The following NBEA variants were observed in gnomAD, a reference collection of about 807,000 sequenced individuals.
NBEA encodes the protein neurobeachin.
A neutral mutation model predicts 343.4 loss-of-function variants in NBEA; 44 were observed. The observed-to-expected ratio is 0.13, with a 90% CI of 0.10 to 0.16. The LOEUF (loss-of-function observed/expected upper bound fraction) is 0.16. NBEA is among the 10% of genes least tolerant of loss of function. The pLI is 1.00. For synonymous variants in NBEA, 1,175 were observed against 1,238.7 expected (o/e 0.95, Z 1.08); for missense variants, 2,555 against 3,631.3 (o/e 0.70, Z 7.62).
chr13:35,223,213 G>A (rs2152763132), intron 33 of NBEA, among the ~76,000 whole-genome samples: 2 of 152,144 alleles, frequency 1.3e-5, no homozygotes, highest in Middle Eastern at 6.8e-3. Context: ...AAAAATAAAT[G>A]CATTTTATAG....
At chr13:35,208,547 A>G (rs2073552713) in intron 31 of NBEA, among the ~76,000 whole-genome samples, 153 bp from the exon 32 acceptor site, 1 of 152,192 alleles carries the variant, frequency 6.6e-6, no homozygotes, top group Non-Finnish European at 1.5e-5. Flanking sequence ...TATCCTTTCC[A>G]CTGACAAAGC....
At chr13:35,547,359 A>C (rs2079110401) in intron 41 of NBEA, among the ~76,000 whole-genome samples, 1 of 152,134 alleles carries the variant, frequency 6.6e-6, no homozygotes, top group Admixed American at 6.5e-5. Flanking sequence ...TTTAAGCTTT[A>C]CTGATCTTAG....
At chr13:35,132,868 G>A (rs1435215844) in intron 17 of NBEA, among the ~76,000 whole-genome samples, 1 of 151,984 alleles carries the variant, frequency 6.6e-6, no homozygotes, top group East Asian at 1.9e-4. Flanking sequence ...TGAATTTTGT[G>A]GTATGTGTAT....
intron 36 of NBEA, among the ~76,000 whole-genome samples, chr13:35,329,105 A>G (rs907201875): frequency 3.9e-5 from 6 of 152,098 alleles, no homozygotes; most frequent in South Asian, 2.1e-4. Flanking sequence ...GTTCCACCTT[A>G]TTAGTCGTTT....
At chr13:35,566,828 A>T (rs2080160319) in intron 44 of NBEA, 77 bp from the exon 45 acceptor site, 1 of 754,888 alleles carries the variant, frequency 1.3e-6, no homozygotes, top group Non-Finnish European at 2.3e-6. Flanking sequence ...GAAATTCAGT[A>T]GATGCTTTGT....
chr13:35,455,092 A>T (rs553422492), intron 40 of NBEA, among the ~76,000 whole-genome samples: 15 of 152,000 alleles, frequency 9.9e-5, no homozygotes, highest in Non-Finnish European at 1.9e-4. Flanking sequence ...TCAAATATAT[A>T]AAAGTAATTA....
chr13:35,382,839 A>T (rs1460790822), intron 38 of NBEA, among the ~76,000 whole-genome samples: 1 of 152,212 alleles, frequency 6.6e-6, no homozygotes, highest in East Asian at 1.9e-4. Context: ...AGTTCATCTT[A>T]AGCCCCTAGT....
intron 10 of NBEA, among the ~76,000 whole-genome samples, chr13:35,082,930 C>T (rs1291523134): frequency 2.6e-5 from 4 of 152,136 alleles, no homozygotes; most frequent in African/African-American, 4.8e-5. Flanking sequence ...TAATTAGATC[C>T]CATTTGTCAA....
At chr13:34,980,889 A>G (rs956872181) in intron 1 of NBEA, among the ~76,000 whole-genome samples, 3 of 152,098 alleles carry the variant, frequency 2.0e-5, no homozygotes, top group African/African-American at 7.2e-5. Flanking sequence ...TATTAGTATG[A>G]TAATAGTTAT....
intron 1 of NBEA, among the ~76,000 whole-genome samples, chr13:35,036,207 T>C (rs566774841): frequency 1.3e-5 from 2 of 152,046 alleles, no homozygotes; most frequent in Admixed American, 6.6e-5. Context: ...GCAAATACTA[T>C]CTTATCATTC....
intron 18 of NBEA, among the ~76,000 whole-genome samples, chr13:35,146,134 A>G (rs2068406757): frequency 6.6e-6 from 1 of 152,148 alleles, no homozygotes; most frequent in Non-Finnish European, 1.5e-5. Context: ...CTGGTATCGA[A>G]AAAACAAGCA....
chr13:35,224,744 T>C (rs1386021927), intron 33 of NBEA, among the ~76,000 whole-genome samples: 2 of 152,154 alleles, frequency 1.3e-5, no homozygotes. Context: ...TCATCTGTGA[T>C]TTTGATTCTA....
intron 39 of NBEA, among the ~76,000 whole-genome samples, chr13:35,440,100 G>A (rs982072070): frequency 2.6e-5 from 4 of 152,102 alleles, no homozygotes; most frequent in Admixed American, 6.5e-5. Context: ...GGCTGGTCTC[G>A]AACTCTTGAC....
At chr13:35,526,235 A>G (rs142132241) in intron 41 of NBEA, among the ~76,000 whole-genome samples, 5 of 152,362 alleles carry the variant, frequency 3.3e-5, no homozygotes, top group Admixed American at 1.3e-4. Flanking sequence ...TTATTTTGCT[A>G]TGAAACGGTC....
intron 47 of NBEA, among the ~76,000 whole-genome samples, chr13:35,600,105 A>G (rs995413539): frequency 1.3e-5 from 2 of 152,214 alleles, no homozygotes; most frequent in Admixed American, 6.5e-5. Context: ...TGGGTTTTTA[A>G]GAAAAAAAGA....
At chr13:35,119,561 A>G (rs2066678354) in intron 16 of NBEA, among the ~76,000 whole-genome samples, 1 of 152,132 alleles carries the variant, frequency 6.6e-6, no homozygotes, top group Non-Finnish European at 1.5e-5. Flanking sequence ...TTATACATTT[A>G]GTGATTAACA....
chr13:35,449,740 C>A (rs1281678800), intron 39 of NBEA, among the ~76,000 whole-genome samples: 1 of 152,090 alleles, frequency 6.6e-6, no homozygotes, highest in Non-Finnish European at 1.5e-5. Context: ...ATCTTTTATT[C>A]CAGAAATAAT....
chr13:35,363,647 G>T (rs916544115), intron 38 of NBEA, among the ~76,000 whole-genome samples: 1 of 151,806 alleles, frequency 6.6e-6, no homozygotes, highest in Non-Finnish European at 1.5e-5. Context: ...GGATGAAGTG[G>T]AAATTTTGCT....
At chr13:35,173,426 A>C (rs765430542) in intron 26 of NBEA, 38 bp from the exon 27 acceptor site, 1 of 1,498,688 alleles carries the variant, frequency 6.7e-7, no homozygotes, top group Admixed American at 2.1e-5. Context: ...CAAAGTCAAC[A>C]ATTTATATTA....
Sources: allele counts gnomAD v4.1 joint callset (sites outside exome capture counted in the v4.1 genomes callset), GRCh38; gene constraint gnomAD v4.1.1; transcripts MANE v1.5; gene names NCBI Gene and HGNC (gene_info 2026-07-23, HGNC 2026-07-21).